Variants in TASOR observed in about 807,000 individuals in gnomAD.
TASOR encodes the protein transcription activation suppressor.
TASOR carries 53 observed loss-of-function variants against 178.6 expected under a neutral mutation model. That is an observed-to-expected ratio of 0.30 (90% CI 0.24 to 0.37). The LOEUF is 0.37. Among genes scored for constraint, TASOR ranks in the 10% least tolerant of loss-of-function variants. TASOR has a pLI of 1.00. For missense variants in TASOR, 1,815 were observed against 1,971.4 expected (o/e 0.92, Z 1.50); for synonymous variants, 713 against 696.2 (o/e 1.02, Z -0.38).
intron 11 of TASOR, among the ~76,000 whole-genome samples, chr3:56,649,710 T>C (rs2077309735): frequency 6.6e-6 from 1 of 152,180 alleles, no homozygotes; most frequent in South Asian, 2.1e-4. Context: ...TTGTTTACGG[T>C]AGTAAAAGAT....
At chr3:56,651,414 G>A (rs974149492) in intron 11 of TASOR, among the ~76,000 whole-genome samples, 3 of 152,062 alleles carry the variant, frequency 2.0e-5, no homozygotes, top group African/African-American at 4.8e-5. Flanking sequence ...TGTACAATGG[G>A]CCAGGCGCAG....
chr3:56,663,411 G>C (rs1243094084), intron 8 of TASOR, 130 bp downstream of exon 8: 22 of 455,612 alleles, frequency 4.8e-5, no homozygotes, highest in Non-Finnish European at 6.3e-5. Flanking sequence ...CAAATGCGCT[G>C]ATGCTACATT....
chr3:56,660,870 C>T (rs781055714), intron 10 of TASOR, 36 bp from the exon 11 acceptor site: 1 of 1,608,032 alleles, frequency 6.2e-7, no homozygotes, highest in Non-Finnish European at 8.5e-7. Flanking sequence ...ATATCCAAAT[C>T]AAGTCTGCTT....
chr3:56,658,061 G>A (rs1240541518), intron 11 of TASOR, among the ~76,000 whole-genome samples: 1 of 152,074 alleles, frequency 6.6e-6, no homozygotes. Context: ...TGCATTTCTT[G>A]GACAAAATTT....
At chr3:56,660,586 A>C in intron 11 of TASOR, 145 bp downstream of exon 11, 1 of 626,988 alleles carries the variant, frequency 1.6e-6, no homozygotes, top group Non-Finnish European at 2.8e-6. Context: ...AACCACAGTA[A>C]AACACTGTTA....
Position 56,623,045 on chromosome 3 carries a change from C to T in TASOR, c.5005G>A (p.Glu1669Lys). 5 of 1,538,404 alleles carry T rather than the reference C, an allele frequency of 3.3e-6. No individual in the cohort carries two copies. Among genetic ancestry groups the T allele is most frequent in the Non-Finnish European group, 4.4e-6 (5 of 1,146,250 alleles). Reference protein sequence around the residue: ...KSDSSRPYSQEK With the variant: ...KSDSSRPYSQKK ...AAAAAAAGTTACTACAGTTATTTCTCTTGTGAATATGGCCTGGAAGAATCA... is the reference window on the plus strand; with the variant it reads ...AAAAAAAGTTACTACAGTTATTTCTTTTGTGAATATGGCCTGGAAGAATCA... The change falls in exon 24 of 24, where the codon GAG becomes AAG. Residue 1669 changes from glutamate to lysine, a missense_variant. By Grantham distance (56) the Glu-to-Lys change is moderately conservative. This residue lies in a region of TASOR where 278 missense variants were observed against 257.1 expected (regional missense o/e 1.08). Coordinates refer to ENST00000683822, the MANE Select transcript of TASOR (RefSeq NM_001365635.2).
At chr3:56,638,176 C>T (rs754274190) in intron 17 of TASOR, among the ~76,000 whole-genome samples, 3 of 151,888 alleles carry the variant, frequency 2.0e-5, no homozygotes, top group Non-Finnish European at 4.4e-5. Flanking sequence ...ACCAGCCTGG[C>T]AAACATGGTG....
rs2077245759 is a variant in TASOR, at chr3:56,646,707, T to C, written c.2030A>G (p.Asp677Gly). Residue 677 changes from aspartate (D) to glycine (G), a missense_variant, in exon 14 of 24, where the codon GAT (aspartate) becomes GGT (glycine). Around this residue, in one of 5 missense-constraint regions of TASOR, gnomAD observed 504 missense variants for 645.3 expected, o/e 0.78. Coordinates refer to ENST00000683822, the MANE Select transcript of TASOR (RefSeq NM_001365635.2). Reference sequence around the variant, plus strand: ...AATCAATTCTTTGACTCTATCCTTATCATAATCCAAAGAATGAGATGATCT... The same window carrying C: ...AATCAATTCTTTGACTCTATCCTTACCATAATCCAAAGAATGAGATGATCT... ...KQRSSHSLDY[D>G]KDRVKELINL... 2 of 1,613,828 alleles carry C rather than the reference T, an allele frequency of 1.2e-6. No individual in the cohort carries two copies. Among genetic ancestry groups the C allele is most frequent in the Non-Finnish European group, 8.5e-7 (1 of 1,180,006 alleles).
At chr3:56,668,282 G>C (rs2030277730) in intron 6 of TASOR, 115 bp downstream of exon 6, 2 of 945,968 alleles carry the variant, frequency 2.1e-6, no homozygotes, top group Non-Finnish European at 3.1e-6. Flanking sequence ...GTGATATGCA[G>C]ACACCAGAGT....
At chr3:56,668,314 G>C in intron 6 of TASOR, 83 bp downstream of exon 6, 2 of 1,319,756 alleles carry the variant, frequency 1.5e-6, no homozygotes, top group Non-Finnish European at 2.1e-6. Context: ...TGGGGACAGA[G>C]AGAACTGAAA....
chr3:56,623,164 C>A lies in TASOR; in HGVS notation c.4886G>T (p.Ser1629Ile). 1.2e-6 allele frequency: 2 copies of A among 1,613,762 alleles called. No individual in the cohort carries two copies. The highest frequency in any genetic ancestry group is 1.7e-6 in the Non-Finnish European group (2 of 1,179,848). Residue 1629 changes from serine (S) to isoleucine (I), a missense_variant, in exon 24 of 24, where the codon AGT (serine) becomes ATT (isoleucine). Ser to Ile is a moderately radical substitution (Grantham distance 142, BLOSUM62 -2). This residue lies in a region of TASOR where 278 missense variants were observed against 257.1 expected (regional missense o/e 1.08). Coordinates refer to ENST00000683822, the MANE Select transcript of TASOR (RefSeq NM_001365635.2). ...FLGTPYALSS[S>I]QSQENENYFL... ...GTAATTCTCATTTTCTTGAGACTGA[C>A]TTGATGAAAGGGCATATGGTGTCCC...
chr3:56,646,589 A>C lies in TASOR; in HGVS notation c.2148T>G (p.Asp716Glu). The change falls in exon 14 of 24, where the codon GAT (aspartate) becomes GAG (glutamate). Residue 716 changes from aspartate (D) to glutamate (E), a missense_variant. Asp to Glu is a conservative substitution (Grantham distance 45). Coordinates refer to ENST00000683822, the MANE Select transcript of TASOR (RefSeq NM_001365635.2). ...SKTVLKRKLE[D>E]LPENMRKLAK... ...CGAGCTTTCTCATATTTTCAGGTAG[A>C]TCCTCAAGCTTCCTCTTCAAGACAG... is the stretch of plus-strand genomic sequence containing the variant. 1 of 1,612,786 alleles carries C rather than the reference A, an allele frequency of 6.2e-7. No individual in the cohort carries two copies. Among genetic ancestry groups the C allele is most frequent in the Middle Eastern group, 1.6e-4 (1 of 6,062 alleles).
chr3:56,621,530 A>G lies in TASOR; in HGVS notation c.*1507T>C, dbSNP rs766368966. 3 of 1,580,724 alleles carry G rather than the reference A, an allele frequency of 1.9e-6. No homozygotes were observed. Among genetic ancestry groups the G allele is most frequent in the Non-Finnish European group, 2.6e-6 (3 of 1,163,688 alleles). On this transcript the variant is annotated 3_prime_UTR_variant, in exon 24 of 24. Coordinates refer to ENST00000683822, the MANE Select transcript of TASOR (RefSeq NM_001365635.2). ...AACAAACATATATCAATGTGATTTCAGGGCCTTCTCCAGAAGCAAAAGGAG... is the reference window on the plus strand; with the variant it reads ...AACAAACATATATCAATGTGATTTCGGGGCCTTCTCCAGAAGCAAAAGGAG...
intron 1 of TASOR, 90 bp downstream of exon 1, chr3:56,682,586 C>T (rs1316994986): frequency 1.7e-6 from 2 of 1,180,180 alleles, no homozygotes; most frequent in Non-Finnish European, 2.2e-6. Context: ...TTACGTATCT[C>T]GGATGGGTGT....
chr3:56,627,759 CAA>C lies in TASOR; in HGVS notation c.3871-20_3871-19del. 1 of 1,604,922 alleles carries C rather than the reference CAA, an allele frequency of 6.2e-7. No homozygotes were observed. The highest frequency in any genetic ancestry group is 1.3e-5 in the African/African-American group (1 of 74,148). ...CCAGGTATCTGTTTAAATCCCAAAACAAAAAGAGAAACAGATGGAGGGAATGA... is the reference window on the plus strand; with the variant it reads ...CCAGGTATCTGTTTAAATCCCAAAACAAAGAGAAACAGATGGAGGGAATGA... On this transcript the variant is annotated intron_variant, in intron 19 of 23. Transcript: ENST00000683822.
chr3:56,660,630 T>A, intron 11 of TASOR, 101 bp downstream of exon 11: 2 of 819,750 alleles, frequency 2.4e-6, no homozygotes, highest in East Asian at 5.2e-5. Flanking sequence ...CACCTCATGG[T>A]ACTTTCAGAG....
chr3:56,628,650 A>G lies in TASOR; in HGVS notation c.3748-36T>C, dbSNP rs968018177. On this transcript the variant is annotated intron_variant, in intron 18 of 23. Transcript: ENST00000683822. ...AAAACAACTAAATCAATATTAAAATACTTCTTTGTAAACATCAATTTAACA... is the reference window on the plus strand; with the variant it reads ...AAAACAACTAAATCAATATTAAAATGCTTCTTTGTAAACATCAATTTAACA... 3.6e-6 allele frequency: 5 copies of G among 1,390,206 alleles called. No homozygotes were observed. The African/African-American group carries it at 4.4e-5, about 12-fold the overall frequency. 86.1% of individuals were successfully genotyped at this position (1,390,206 alleles called of 1,614,324 possible). A position where few individuals can be genotyped will look rare whatever the true frequency, so the allele number is the denominator to read the frequency against.
chr3:56,638,461 G>A (rs1481560615), intron 17 of TASOR, among the ~76,000 whole-genome samples: 1 of 152,168 alleles, frequency 6.6e-6, no homozygotes, highest in African/African-American at 2.4e-5. Flanking sequence ...CATATTGTAA[G>A]ATAGACTCTA....
At position 56,683,080 on chromosome 3, in the gene TASOR, CAGTCT is replaced by C; in HGVS notation, c.-79_-75del. ...GGTGTGGGGGGAAGGGGCGGCGGGC[CAGTCT>C]CGCCGCCGAGCTGCTCTCAGCCCAC... On this transcript the variant is annotated 5_prime_UTR_variant, in exon 1 of 24. Transcript: ENST00000683822. 7.1e-7 allele frequency: 1 copy of C among 1,414,022 alleles called. No homozygotes were observed. Among genetic ancestry groups the C allele is most frequent in the Non-Finnish European group, 9.3e-7 (1 of 1,073,330 alleles). The allele number at this position is 1,414,022 out of a possible 1,614,324, so 87.6% of individuals were successfully genotyped here. A position where few individuals can be genotyped will look rare whatever the true frequency, so the allele number is the denominator to read the frequency against.
Sources: gnomAD v4.1 joint callset for allele counts (sites outside exome capture counted in the v4.1 genomes callset) on GRCh38, gnomAD v4.1.1 for gene constraint, gnomAD v4.1.1 regional missense constraint, MANE v1.5 for transcripts, NCBI Gene and HGNC (gene_info 2026-07-23, HGNC 2026-07-21) for gene names.